Variants in PRELID2 observed in about 807,000 individuals in gnomAD.
PRELID2 encodes the protein PRELI domain-containing protein 2.
Under a neutral mutation model 28.4 loss-of-function variants are expected in PRELID2, and 25 were observed. The ratio of observed to expected loss-of-function variants is 0.88; its 90% CI spans 0.64 to 1.23. The LOEUF is 1.23. Ranked by LOEUF, PRELID2 falls within the 50% of genes most tolerant of loss-of-function variation. PRELID2 has a pLI of 0.00. For synonymous variants in PRELID2, 76 were observed against 71.6 expected (o/e 1.06, Z -0.31); for missense variants, 201 against 214.4 (o/e 0.94, Z 0.39).
chr5:145,645,287 T>A (rs1754177091), intron 1 of PRELID2, among the ~76,000 whole-genome samples: 1 of 151,748 alleles, frequency 6.6e-6, no homozygotes, highest in South Asian at 2.1e-4. Flanking sequence ...TGTCTCTTGA[T>A]CTTTGTTGGT....
chr5:145,740,368 A>C (rs1180340411), intron 1 of PRELID2, among the ~76,000 whole-genome samples: 3 of 132,500 alleles, frequency 2.3e-5, no homozygotes, highest in African/African-American at 8.2e-5. Context: ...AAATATGTGC[A>C]GCAAAAATTT....
intron 1 of PRELID2, among the ~76,000 whole-genome samples, chr5:145,708,381 C>A (rs1010416123): frequency 9.2e-5 from 14 of 151,676 alleles, no homozygotes; most frequent in African/African-American, 3.1e-4. Context: ...CTCTGGGAAC[C>A]AGTTTGATCA....
At chr5:145,681,027 A>G (rs1156703904) in intron 1 of PRELID2, among the ~76,000 whole-genome samples, 2 of 152,218 alleles carry the variant, frequency 1.3e-5, no homozygotes, top group African/African-American at 2.4e-5. Flanking sequence ...GAGGATAATG[A>G]ACCCCACAGC....
the PRELID2 span, among the ~76,000 whole-genome samples, chr5:145,330,472 G>C: frequency 6.6e-6 from 1 of 152,076 alleles, no homozygotes. Context: ...GTCTATTCAG[G>C]GATTTGACTT....
chr5:145,780,219 A>G (rs1297166675), intron 5 of PRELID2, among the ~76,000 whole-genome samples: 1 of 152,204 alleles, frequency 6.6e-6, no homozygotes, highest in African/African-American at 2.4e-5. Flanking sequence ...AGGCTGAGGC[A>G]GGAGAATCAC....
chr5:145,604,953 T>C (rs1054759073), intron 1 of PRELID2, among the ~76,000 whole-genome samples: 20 of 146,660 alleles, frequency 1.4e-4, no homozygotes, highest in Non-Finnish European at 1.0e-4. Context: ...TATATTATTT[T>C]GAATATATAT....
chr5:145,675,807 C>CT (rs1452005374), intron 1 of PRELID2, among the ~76,000 whole-genome samples: 1 of 152,062 alleles, frequency 6.6e-6, no homozygotes, highest in Non-Finnish European at 1.5e-5. Context: ...CGGCTATGAA[C>CT]CAGCAAGGTA....
chr5:145,549,507 A>G (rs1455181027), intron 1 of PRELID2, among the ~76,000 whole-genome samples: 1 of 152,204 alleles, frequency 6.6e-6, no homozygotes, highest in Non-Finnish European at 1.5e-5. Flanking sequence ...TGCCAGGTGC[A>G]GTGGCACACG....
intron 2 of PRELID2, 92 bp from the exon 3 acceptor site, chr5:145,820,110 T>C: frequency 5.1e-6 from 3 of 582,854 alleles, no homozygotes; most frequent in South Asian, 1.9e-5. Flanking sequence ...GGTTTTTTTG[T>C]TTTTTGTTTT....
At chr5:145,696,156 CTTTT>C (rs10591669) in intron 1 of PRELID2, among the ~76,000 whole-genome samples, 3 of 60,004 alleles carry the variant, frequency 5.0e-5, no homozygotes, top group African/African-American at 4.9e-5. Context: ...TAAATAATAG[CTTTT>C]TTTTTTTTTT....
Position 145,790,925 on chromosome 5 carries a change from G to A in PRELID2, c.474+5517C>T, listed in dbSNP as rs990882670. ...TATATATATATACCAAAAAGAATTG[G>A]AAGCAGGGACTCAAACAGATATTTA... is the stretch of plus-strand genomic sequence containing the variant. On this transcript the variant is annotated intron_variant, in intron 5 of 6. Coordinates refer to ENST00000683046, the MANE Select transcript of PRELID2 (RefSeq NM_205846.3). Among the ~76,000 whole-genome samples, 6 of 145,708 alleles carry A rather than the reference G, an allele frequency of 4.1e-5. No homozygotes were observed. The South Asian group carries it at 8.7e-4, about 21-fold the overall frequency.
the PRELID2 span, among the ~76,000 whole-genome samples, chr5:145,356,950 TA>T: frequency 6.6e-6 from 1 of 152,190 alleles, no homozygotes; most frequent in Non-Finnish European, 1.5e-5. Flanking sequence ...TGAATTTCCT[TA>T]GCAACTGCTT....
At position 145,741,015 on chromosome 5, in the gene PRELID2, C is replaced by T. The variant is rs1296091846; in HGVS notation, n.70+23916G>A. ...AAAATATATATTATATATTTGTATA[C>T]AAATAAAATATATATTATATATTTG... On this transcript the variant is annotated intron_variant and non_coding_transcript_variant, in intron 1 of 2. Transcript: ENST00000510259. 3.6e-5 allele frequency among the ~76,000 whole-genome samples: 4 copies of T among 109,684 alleles called. No homozygotes were observed. In the East Asian group the frequency reaches 8.7e-4, roughly 24 times the overall value. The allele number at this position is 109,684 out of a possible 152,430, so 72.0% of individuals were successfully genotyped here.
intron 1 of PRELID2, among the ~76,000 whole-genome samples, chr5:145,633,203 T>C (rs1017519870): frequency 6.6e-6 from 1 of 152,192 alleles, no homozygotes; most frequent in Non-Finnish European, 1.5e-5. Context: ...AATCCATGCC[T>C]GGTCTCCTGA....
At chr5:145,780,441 C>A (rs1396701927) in intron 5 of PRELID2, among the ~76,000 whole-genome samples, 1 of 152,132 alleles carries the variant, frequency 6.6e-6, no homozygotes, top group African/African-American at 2.4e-5. Flanking sequence ...GAACATGAGA[C>A]ACAGAAAATT....
In PRELID2 at chr5:145,756,855, A is replaced by G. The variant is rs1757271799; in HGVS notation, c.*3681T>C. Among the ~76,000 whole-genome samples the G allele has an allele frequency of 6.6e-6, 1 of 152,240 alleles. No individual in the cohort carries two copies. Among genetic ancestry groups the G allele is most frequent in the Non-Finnish European group, 1.5e-5 (1 of 68,034 alleles). ...AGGTAGGCACAGTAATGGGAGAGAT[A>G]AATGACAGATAAAAGTGAGGGAAAA... On this transcript the variant is annotated 3_prime_UTR_variant, in exon 7 of 7. Transcript: ENST00000683046.
intron 1 of PRELID2, among the ~76,000 whole-genome samples, chr5:145,699,761 C>A (rs1018720750): frequency 1.3e-5 from 2 of 152,182 alleles, no homozygotes; most frequent in Non-Finnish European, 2.9e-5. Context: ...TCCAGCAACC[C>A]ACTTACCCTA....
chr5:145,293,048 A>G, the PRELID2 span, among the ~76,000 whole-genome samples: 2 of 152,112 alleles, frequency 1.3e-5, no homozygotes, highest in Admixed American at 1.3e-4. Context: ...GAAAATTCTC[A>G]TGAAAATCCA....
chr5:145,611,824 A>G (rs950657745), intron 1 of PRELID2, among the ~76,000 whole-genome samples: 1 of 152,342 alleles, frequency 6.6e-6, no homozygotes, highest in African/African-American at 2.4e-5. Context: ...TGAAATTGCA[A>G]TAGGCCAAAA....
Sources: gnomAD v4.1 joint callset for allele counts (sites outside exome capture counted in the v4.1 genomes callset) on GRCh38, gnomAD v4.1.1 for gene constraint, MANE v1.5 for transcripts, NCBI Gene and HGNC (gene_info 2026-07-23, HGNC 2026-07-21) for gene names.